IKBKG: variants seen among roughly 807,000 people sequenced by gnomAD.
IKBKG encodes the protein NF-kappa-B essential modulator.
Under a neutral mutation model 13.7 loss-of-function variants are expected in IKBKG, and 2 were observed. That is an observed-to-expected ratio of 0.15 (90% CI 0.06 to 0.46). The LOEUF (loss-of-function observed/expected upper bound fraction) is 0.46. IKBKG is among the 20% of genes least tolerant of loss of function. IKBKG has a pLI of 0.98. For synonymous variants in IKBKG, 22 were observed against 64.4 expected (o/e 0.34, Z 3.15); for missense variants, 53 against 150.3 (o/e 0.35, Z 3.39).
At chrX:154,541,761 C>T (rs2070513101) in intron 1 of IKBKG, among the ~76,000 whole-genome samples, 1 of 112,725 alleles carries the variant, frequency 8.9e-6, no homozygotes, top group Non-Finnish European at 1.9e-5. Context: ...TGATGAAGAT[C>T]TCTAGCCACC....
chrX:154,542,846 G>A (rs782703516), upstream of IKBKG, among the ~76,000 whole-genome samples: 35 of 112,146 alleles, frequency 3.1e-4, no homozygotes, highest in Non-Finnish European at 6.2e-4. Flanking sequence ...ACACACGTCA[G>A]CCTGAACTCT....
upstream of IKBKG, chrX:154,547,412 C>G (rs781805151): frequency 4.1e-5 from 31 of 754,301 alleles, no homozygotes; most frequent in East Asian, 1.5e-4. Context: ...GTCCGAGAGA[C>G]GAGGGGGCGT....
chrX:154,546,169 G>A, upstream of IKBKG: 1 of 1,211,372 alleles, frequency 8.3e-7, no homozygotes, highest in African/African-American at 1.7e-5. Context: ...GCTGTCTGGT[G>A]GAAGAAAGGC....
At chrX:154,547,920 C>T (rs2070798547) in intron 1 of IKBKG, 175 bp downstream of exon 1, 1 of 754,819 alleles carries the variant, frequency 1.3e-6, no homozygotes, top group Non-Finnish European at 1.6e-6. Context: ...ACTTGGGCGG[C>T]GAGCTGGACT....
At chrX:154,543,135 C>CA (rs2148342678), upstream of IKBKG, among the ~76,000 whole-genome samples, 1 of 111,826 alleles carries the variant, frequency 8.9e-6, no homozygotes, top group East Asian at 2.8e-4. Flanking sequence ...CCATCTCCCC[C>CA]ACAGCAGGAA....
upstream of IKBKG, chrX:154,546,687 C>T: frequency 4.3e-6 from 3 of 704,481 alleles, no homozygotes; most frequent in South Asian, 2.5e-5. Context: ...CTCGATTCTG[C>T]TCGGTTCTCA....
upstream of IKBKG, among the ~76,000 whole-genome samples, chrX:154,544,103 C>A (rs1306712586): frequency 9.2e-6 from 1 of 108,123 alleles, no homozygotes; most frequent in Non-Finnish European, 1.9e-5. Context: ...CCTCATGATC[C>A]ACCCGCTTCA....
At chrX:154,545,140 C>T (rs1375478634), upstream of IKBKG, among the ~76,000 whole-genome samples, 3 of 111,355 alleles carry the variant, frequency 2.7e-5, no homozygotes, top group African/African-American at 6.5e-5. Flanking sequence ...CGATGGCTGT[C>T]CTAGGACCAC....
At chrX:154,549,928 A>G (rs1488201463) in intron 1 of IKBKG, among the ~76,000 whole-genome samples, 1 of 112,073 alleles carries the variant, frequency 8.9e-6, no homozygotes, top group Admixed American at 9.5e-5. Flanking sequence ...TTGTTTATTC[A>G]TAGTTGATGG....
chrX:154,543,336 G>A (rs887584757), upstream of IKBKG, among the ~76,000 whole-genome samples: 4 of 112,598 alleles, frequency 3.6e-5, no homozygotes, highest in Admixed American at 1.9e-4. Flanking sequence ...GCCACAGGCG[G>A]AGGCAGTGAA....
At chrX:154,553,849 A>G (rs1037348421) in intron 2 of IKBKG, among the ~76,000 whole-genome samples, 12 of 112,660 alleles carry the variant, frequency 1.1e-4, no homozygotes, top group Non-Finnish European at 2.3e-4. Context: ...GGTGACAGTT[A>G]GACTGGGGGC....
At chrX:154,542,000 T>A (rs1453414051) in intron 1 of IKBKG, among the ~76,000 whole-genome samples, 1 of 112,047 alleles carries the variant, frequency 8.9e-6, no homozygotes, top group Non-Finnish European at 1.9e-5. Flanking sequence ...AGCTGGTTCC[T>A]GGCCACTGGG....
At chrX:154,555,088 C>T (rs1324674523) in intron 2 of IKBKG, among the ~76,000 whole-genome samples, 1 of 111,471 alleles carries the variant, frequency 9.0e-6, no homozygotes, top group Non-Finnish European at 1.9e-5. Flanking sequence ...CGGTTTTTCC[C>T]GTTTGTTTTC....
At chrX:154,549,451 T>TC (rs2070865866) in intron 1 of IKBKG, among the ~76,000 whole-genome samples, 1 of 108,930 alleles carries the variant, frequency 9.2e-6, no homozygotes, top group African/African-American at 3.4e-5. Flanking sequence ...TTTTTTTTTT[T>TC]GTATTTTTGG....
chrX:154,545,284 G>A (rs1401389675), upstream of IKBKG, among the ~76,000 whole-genome samples: 3 of 111,929 alleles, frequency 2.7e-5, no homozygotes, highest in Admixed American at 2.8e-4. Flanking sequence ...GTAGGCTTTC[G>A]AAATTGAGGC....
At chrX:154,544,292 G>T (rs1427321961), upstream of IKBKG, among the ~76,000 whole-genome samples, 44 of 110,955 alleles carry the variant, frequency 4.0e-4, 1 homozygote, top group Non-Finnish European at 1.9e-5. Context: ...CTACTGAGTA[G>T]CTGGGACTAC....
upstream of IKBKG, among the ~76,000 whole-genome samples, chrX:154,545,109 G>A (rs1204512180): frequency 3.6e-5 from 4 of 111,590 alleles, no homozygotes; most frequent in African/African-American, 9.8e-5. Flanking sequence ...GGGACACAGG[G>A]GAGGGTGCTC....
chrX:154,547,013 G>A (rs2070753289), upstream of IKBKG: 1 of 212,263 alleles, frequency 4.7e-6, no homozygotes, highest in South Asian at 2.6e-4. Flanking sequence ...GCCAGCCCCT[G>A]CCTCTCGGGC....
At chrX:154,551,399 A>G (rs1217612274) in intron 1 of IKBKG, among the ~76,000 whole-genome samples, 2 of 110,535 alleles carry the variant, frequency 1.8e-5, no homozygotes, top group African/African-American at 6.6e-5. Context: ...GCCTCACTCC[A>G]GTCTCCGAGG....
Sources: gnomAD v4.1 joint callset for allele counts (sites outside exome capture counted in the v4.1 genomes callset) on GRCh38, gnomAD v4.1.1 for gene constraint, MANE v1.5 for transcripts, NCBI Gene and HGNC (gene_info 2026-07-23, HGNC 2026-07-21) for gene names.